Variants in SLC13A5 observed in about 807,000 individuals in gnomAD.
The protein encoded by SLC13A5 is Na(+)/citrate cotransporter.
A neutral mutation model predicts 56.5 loss-of-function variants in SLC13A5; 25 were observed. That is an observed-to-expected ratio of 0.44 (90% CI 0.32 to 0.62). The LOEUF (loss-of-function observed/expected upper bound fraction) is 0.62, where lower values mean the gene tolerates loss of function less well. SLC13A5 is among the 20% of genes least tolerant of loss of function. The probability of loss-of-function intolerance (pLI) is 0.04; values close to 1 mark genes in which losing one functional copy is unlikely to be tolerated. For missense variants in SLC13A5, 649 were observed against 737.8 expected (o/e 0.88, Z 1.39); for synonymous variants, 307 against 301.5 (o/e 1.02, Z -0.19).
intron 3 of SLC13A5, chr17:6,704,624 C>T (rs902377393): frequency 1.9e-5 from 5 of 256,620 alleles, no homozygotes; most frequent in African/African-American, 4.4e-5. Flanking sequence ...CTGCCATCTC[C>T]CCTCCGCCCC....
rs1974021194 is a variant in SLC13A5 at position 6,711,477 on chromosome 17, C to T, written c.102+1755G>A. On this transcript the variant is annotated intron_variant, in intron 1 of 11. Coordinates refer to ENST00000433363, the MANE Select transcript of SLC13A5 (RefSeq NM_177550.5). The surrounding 1 kb of genome is among the most constrained non-coding windows in gnomAD (Gnocchi z 4.0). Reference sequence around the variant, plus strand: ...TACACACACACTGAGTTAGGGTTTCCAGTTCAGGGTGTGTGTGTGTGTGTG... The same window carrying T: ...TACACACACACTGAGTTAGGGTTTCTAGTTCAGGGTGTGTGTGTGTGTGTG... Among the ~76,000 whole-genome samples, 1 of 142,398 alleles carries T rather than the reference C, an allele frequency of 7.0e-6. No individual in the cohort carries two copies. The highest frequency in any genetic ancestry group is 2.8e-5 in the African/African-American group (1 of 36,000). 93.4% of individuals were successfully genotyped at this position (142,398 alleles called of 152,430 possible).
Position 6,694,080 on chromosome 17 carries a change from C to A in SLC13A5, c.1156+17G>T. ...GCTCCAGTCCTGATGACTGGGCGATCAGAACAGGAGACTTACCTTCCTCAG... is the reference window on the plus strand; with the variant it reads ...GCTCCAGTCCTGATGACTGGGCGATAAGAACAGGAGACTTACCTTCCTCAG... On this transcript the variant is annotated intron_variant, in intron 8 of 11. Coordinates refer to ENST00000433363, the MANE Select transcript of SLC13A5 (RefSeq NM_177550.5). 6.3e-7 allele frequency: 1 copy of A among 1,577,780 alleles called. No homozygotes were observed. Among genetic ancestry groups the A allele is most frequent in the South Asian group, 1.1e-5 (1 of 88,494 alleles).
chr17:6,711,331 C>G lies in SLC13A5; in HGVS notation c.102+1901G>C, dbSNP rs1195292670. Among the ~76,000 whole-genome samples the G allele has an allele frequency of 6.6e-6, 1 of 152,076 alleles. No homozygotes were observed. The highest frequency in any genetic ancestry group is 1.5e-5 in the Non-Finnish European group (1 of 68,010). On this transcript the variant is annotated intron_variant, in intron 1 of 11. Coordinates refer to ENST00000433363, the MANE Select transcript of SLC13A5 (RefSeq NM_177550.5). This position sits in a 1 kb window ranked among gnomAD's most constrained non-coding sequence, Gnocchi z 4.0. ...ACCCAACCCCGCCAGAAGGAAAGCTCGTGAAGGCAGCCTTTGGAAGGACTC... is the reference window on the plus strand; with the variant it reads ...ACCCAACCCCGCCAGAAGGAAAGCTGGTGAAGGCAGCCTTTGGAAGGACTC...
At chr17:6,710,438 C>T (rs1012663598) in intron 1 of SLC13A5, among the ~76,000 whole-genome samples, 9 of 152,158 alleles carry the variant, frequency 5.9e-5, no homozygotes, top group Admixed American at 2.6e-4. Flanking sequence ...ACAAAGTCCT[C>T]GGTAACTTTT....
chr17:6,687,498 C>T lies in SLC13A5; in HGVS notation c.1575+31G>A, dbSNP rs371650401. The T allele has an allele frequency of 7.4e-5, 120 of 1,612,576 alleles. 1 individual carries two copies. In the Middle Eastern group the frequency reaches 3.5e-3, roughly 47 times the overall value. Reference sequence around the variant, plus strand: ...CCCTTATGACAACAGCGTTATAGTCCGACGGGAGTAAATAAAAACAGCTGT... The same window carrying T: ...CCCTTATGACAACAGCGTTATAGTCTGACGGGAGTAAATAAAAACAGCTGT... On this transcript the variant is annotated intron_variant, in intron 11 of 11. Coordinates refer to ENST00000433363, the MANE Select transcript of SLC13A5 (RefSeq NM_177550.5). This position sits in a 1 kb window ranked among gnomAD's most constrained non-coding sequence, Gnocchi z 5.0.
At position 6,708,629 on chromosome 17, in the gene SLC13A5, T is replaced by C. The variant is rs1450043519; in HGVS notation, c.103-1473A>G. 2.0e-5 allele frequency among the ~76,000 whole-genome samples: 3 copies of C among 152,218 alleles called. No individual in the cohort carries two copies. In the East Asian group the frequency reaches 5.8e-4, roughly 29 times the overall value. On this transcript the variant is annotated intron_variant, in intron 1 of 11. Coordinates refer to ENST00000433363, the MANE Select transcript of SLC13A5 (RefSeq NM_177550.5). ...CCAATATTAAACACTGAAGGGAATG[T>C]GAGCTATACATATACTTAAGAAACA...
At chr17:6,709,295 G>C (rs1170211403) in intron 1 of SLC13A5, among the ~76,000 whole-genome samples, 1 of 151,760 alleles carries the variant, frequency 6.6e-6, no homozygotes, top group African/African-American at 2.4e-5. Flanking sequence ...TTTTGAGACA[G>C]AGCCTTGCTC....
Position 6,686,104 on chromosome 17 carries a change from G to A in SLC13A5, c.*103C>T. Reference sequence around the variant, plus strand: ...TTTTGGTGGTGTGTGGACATCGTTGGGTCATTTTGGGGTGTGAACCCCAAA... The same window carrying A: ...TTTTGGTGGTGTGTGGACATCGTTGAGTCATTTTGGGGTGTGAACCCCAAA... On this transcript the variant is annotated 3_prime_UTR_variant, in exon 12 of 12. Transcript: ENST00000433363. 2 of 1,527,036 alleles carry A rather than the reference G, an allele frequency of 1.3e-6. No individual in the cohort carries two copies. Among genetic ancestry groups the A allele is most frequent in the Non-Finnish European group, 1.8e-6 (2 of 1,123,704 alleles). 94.6% of individuals were successfully genotyped at this position (1,527,036 alleles called of 1,614,324 possible). A position where few individuals can be genotyped will look rare whatever the true frequency, so the allele number is the denominator to read the frequency against.
In SLC13A5 at chr17:6,701,226, G is replaced by A. The variant is rs550549697; in HGVS notation, c.717-100C>T. 1.6e-4 allele frequency: 238 copies of A among 1,516,378 alleles called. 1 individual carries two copies. In the Admixed American group the frequency reaches 4.1e-3, roughly 26 times the overall value. The allele number at this position is 1,516,378 out of a possible 1,614,324, so 93.9% of individuals were successfully genotyped here. ...GCAGCAGCTGGGCCCTGAGAGGCGCGCCTGTGTGGAGGCCACATCCTCCTG... is the reference window on the plus strand; with the variant it reads ...GCAGCAGCTGGGCCCTGAGAGGCGCACCTGTGTGGAGGCCACATCCTCCTG... On this transcript the variant is annotated intron_variant, in intron 5 of 11. Transcript: ENST00000433363. The surrounding 1 kb of genome is among the most constrained non-coding windows in gnomAD (Gnocchi z 4.1).
chr17:6,703,869 G>A lies in SLC13A5; in HGVS notation c.547+9C>T, dbSNP rs1203815263. On this transcript the variant is annotated intron_variant, in intron 4 of 11. Transcript: ENST00000433363. ...TTGTGGCCTGGCAGTGCCCTGGCCA[G>A]GGGCTCACCTGGCAGCTCCTTGGCC... 1.3e-6 allele frequency: 2 copies of A among 1,530,296 alleles called. No individual in the cohort carries two copies. Among genetic ancestry groups the A allele is most frequent in the South Asian group, 1.2e-5 (1 of 80,474 alleles). 94.8% of individuals were successfully genotyped at this position (1,530,296 alleles called of 1,614,324 possible).
intron 6 of SLC13A5, among the ~76,000 whole-genome samples, chr17:6,698,294 C>T (rs1041089593): frequency 2.3e-4 from 35 of 152,340 alleles, no homozygotes; most frequent in African/African-American, 7.5e-4. Context: ...CAGGCTCCCC[C>T]GCCAGTCAAC....
At chr17:6,710,543 G>C (rs774809822) in intron 1 of SLC13A5, among the ~76,000 whole-genome samples, 4 of 152,154 alleles carry the variant, frequency 2.6e-5, no homozygotes, top group Non-Finnish European at 4.4e-5. Context: ...GAAAGAGGAC[G>C]AGACACAAGG....
At position 6,694,082 on chromosome 17, in the gene SLC13A5, G is replaced by C. The variant is rs367721453; in HGVS notation, c.1156+15C>G. 29 of 1,592,284 alleles carry C rather than the reference G, an allele frequency of 1.8e-5. No homozygotes were observed. Among genetic ancestry groups the C allele is most frequent in the Non-Finnish European group, 2.4e-5 (28 of 1,161,196 alleles). On this transcript the variant is annotated intron_variant, in intron 8 of 11. Coordinates refer to ENST00000433363, the MANE Select transcript of SLC13A5 (RefSeq NM_177550.5). ...TCCAGTCCTGATGACTGGGCGATCA[G>C]AACAGGAGACTTACCTTCCTCAGTC...
chr17:6,705,004 A>T (rs1235009355), intron 3 of SLC13A5: 1 of 151,982 alleles, frequency 6.6e-6, no homozygotes, highest in Non-Finnish European at 1.5e-5. Context: ...GAGCTCAGCT[A>T]CTCTCAGTCT....
Position 6,703,032 on chromosome 17 carries a change from G to C in SLC13A5, c.654C>G (p.Ile218Met), listed in dbSNP as rs547998800. The change falls in exon 5 of 12, where the codon ATC becomes ATG. Residue 218 changes from isoleucine to methionine, a missense_variant. By Grantham distance (10) the Ile-to-Met change is conservative. Coordinates refer to ENST00000433363, the MANE Select transcript of SLC13A5 (RefSeq NM_177550.5). Reference sequence around the variant, plus strand: ...TCCCGGTCAGGGTGGCGGTGCCCCCGATGCTGGCCGCGTAGCAGATGCACA... The same window carrying C: ...TCCCGGTCAGGGTGGCGGTGCCCCCCATGCTGGCCGCGTAGCAGATGCACA... ...MTLCICYAAS[I>M]GGTATLTGTG... 1.2e-6 allele frequency: 2 copies of C among 1,614,212 alleles called. No individual in the cohort carries two copies. Among genetic ancestry groups the C allele is most frequent in the Non-Finnish European group, 1.7e-6 (2 of 1,180,040 alleles).
At chr17:6,700,697 G>A (rs1973687803) in intron 6 of SLC13A5, among the ~76,000 whole-genome samples, 1 of 152,200 alleles carries the variant, frequency 6.6e-6, no homozygotes, top group African/African-American at 2.4e-5. Flanking sequence ...GATATGCCCA[G>A]GGGCCGCTCA....
At chr17:6,709,244 CTTATTTAT>C (rs60433016) in intron 1 of SLC13A5, among the ~76,000 whole-genome samples, 30 of 151,020 alleles carry the variant, frequency 2.0e-4, no homozygotes, top group Middle Eastern at 3.4e-3. Context: ...CAAATTCTTG[CTTATTTAT>C]TTATTTATTT....
At position 6,693,178 on chromosome 17, in the gene SLC13A5, AACACACACACAC is replaced by A. The variant is rs200900896; in HGVS notation, c.1157-28_1157-17del. On this transcript the variant is annotated splice_polypyrimidine_tract_variant and intron_variant, in intron 8 of 11. Coordinates refer to ENST00000433363, the MANE Select transcript of SLC13A5 (RefSeq NM_177550.5). Reference sequence around the variant, plus strand: ...GTTTTCCTTTCTGGGAAGAAAAAGAAACACACACACACACACACACACACACACACACACACA... The same window carrying A: ...GTTTTCCTTTCTGGGAAGAAAAAGAAACACACACACACACACACACACACA... The A allele has an allele frequency of 0.013, 9,373 of 696,880 alleles. 42 individuals carry two copies. Among genetic ancestry groups the A allele is most frequent in the African/African-American group, 0.038 (1,878 of 48,914 alleles). 43.2% of individuals were successfully genotyped at this position (696,880 alleles called of 1,614,324 possible). A position where few individuals can be genotyped will look rare whatever the true frequency, so the allele number is the denominator to read the frequency against.
rs182042247 is a variant in SLC13A5 at position 6,703,012 on chromosome 17, G to A, written c.674C>T (p.Thr225Ile). The A allele has an allele frequency of 1.2e-5, 20 of 1,614,236 alleles. 1 individual carries two copies. The Admixed American group carries it at 3.3e-4, about 27-fold the overall frequency. Residue 225 changes from threonine to isoleucine, a missense_variant, in exon 5 of 12, where the codon ACC becomes ATC. Thr to Ile is a moderately conservative substitution (Grantham distance 89, BLOSUM62 -1). Coordinates refer to ENST00000433363, the MANE Select transcript of SLC13A5 (RefSeq NM_177550.5). ...AASIGGTATL[T>I]GTGPNVVLLG... ...GAGCACCACGTTGGGTCCCGTCCCG[G>A]TCAGGGTGGCGGTGCCCCCGATGCT...
Sources: gnomAD v4.1 joint callset for allele counts (sites outside exome capture counted in the v4.1 genomes callset) on GRCh38, gnomAD v4.1.1 for gene constraint, Gnocchi (gnomAD v3.1) non-coding constraint, MANE v1.5 for transcripts, NCBI Gene and HGNC (gene_info 2026-07-23, HGNC 2026-07-21) for gene names.